The following SP100 variants were observed in gnomAD, a reference collection of about 807,000 sequenced individuals.
SP100 encodes the protein nuclear autoantigen Sp-100.
Under a neutral mutation model 130.0 loss-of-function variants are expected in SP100, and 84 were observed. The ratio of observed to expected loss-of-function variants is 0.65; its 90% CI spans 0.54 to 0.77. The LOEUF is 0.77. Among genes scored for constraint, SP100 ranks in the 30% least tolerant of loss-of-function variants. The pLI is 0.00. For synonymous variants in SP100, 331 were observed against 351.7 expected, an observed-to-expected ratio of 0.94 and a Z score of 0.66; for missense variants, 978 against 1,052.2, an observed-to-expected ratio of 0.93 and a Z score of 0.97.
chr2:230,518,686 A>G (rs1691034698), intron 24 of SP100, among the ~76,000 whole-genome samples: 1 of 152,044 alleles, frequency 6.6e-6, no homozygotes, highest in East Asian at 1.9e-4. Context: ...ATGAAAATTG[A>G]TATATTAGAC....
At chr2:230,447,327 G>A (rs1322180191) in intron 5 of SP100, among the ~76,000 whole-genome samples, 1 of 152,158 alleles carries the variant, frequency 6.6e-6, no homozygotes, top group African/African-American at 2.4e-5. Context: ...ACATGTCGGT[G>A]ATCTCCCCAC....
At position 230,462,510 on chromosome 2, in the gene SP100, G is replaced by A; in HGVS notation, c.1049G>A (p.Ser350Asn). The change falls in exon 10 of 29, where the codon AGT becomes AAT. Residue 350 changes from serine to asparagine, a missense_variant. Physicochemically the swap from Ser to Asn is conservative, Grantham distance 46 (BLOSUM62 1). Transcript: ENST00000340126. Reference protein sequence around the residue: ...PLEVFISAPRSEPVINNDNPL... With the variant: ...PLEVFISAPRNEPVINNDNPL... Reference sequence around the variant, plus strand: ...GAAGTCTTCATCTCAGCACCGAGAAGTGAGCCTGGTAAGGAAGTTTGGGAG... The same window carrying A: ...GAAGTCTTCATCTCAGCACCGAGAAATGAGCCTGGTAAGGAAGTTTGGGAG... 6.2e-7 allele frequency: 1 copy of A among 1,613,204 alleles called. No individual in the cohort carries two copies. Among genetic ancestry groups the A allele is most frequent in the Non-Finnish European group, 8.5e-7 (1 of 1,179,264 alleles).
intron 17 of SP100, among the ~76,000 whole-genome samples, chr2:230,478,913 C>T (rs1189918622): frequency 3.3e-5 from 5 of 152,126 alleles, no homozygotes; most frequent in East Asian, 1.9e-4. Context: ...TTCTGCCTCC[C>T]GGATTCAAGC....
At position 230,436,097 on chromosome 2, in the gene SP100, T is replaced by G. The variant is rs530262372; in HGVS notation, c.108-6840T>G. On this transcript the variant is annotated intron_variant, in intron 2 of 28. Coordinates refer to ENST00000340126, the MANE Select transcript of SP100 (RefSeq NM_001080391.2). ...AATGGATGTTTTAAAACTACTACCT[T>G]TTTTGTAATTGGAGGCCTTTCATAA... 5.3e-5 allele frequency among the ~76,000 whole-genome samples: 8 copies of G among 152,300 alleles called. No individual in the cohort carries two copies. The East Asian group carries it at 1.5e-3, about 29-fold the overall frequency.
intron 2 of SP100, among the ~76,000 whole-genome samples, chr2:230,435,521 C>G (rs1191777965): frequency 6.6e-6 from 1 of 152,114 alleles, no homozygotes; most frequent in Non-Finnish European, 1.5e-5. Flanking sequence ...GATATTTGTT[C>G]TGTCATTTAA....
chr2:230,477,615 CTA>C (rs1489832547), intron 17 of SP100, among the ~76,000 whole-genome samples: 1 of 152,114 alleles, frequency 6.6e-6, no homozygotes, highest in African/African-American at 2.4e-5. Flanking sequence ...CTTTACCTGT[CTA>C]TATTCTATGT....
chr2:230,531,440 G>C (rs1381970467), intron 24 of SP100, among the ~76,000 whole-genome samples: 3 of 151,550 alleles, frequency 2.0e-5, no homozygotes, highest in Non-Finnish European at 4.4e-5. Flanking sequence ...GCTGGGGGAG[G>C]GATAGCATTA....
rs192629137 is a variant in SP100 at position 230,513,910 on chromosome 2, T to G, written c.2094+2744T>G. The stretch of plus-strand genomic sequence containing the variant: ...GTAATGGTGAAAACTGCAATGACTT[T>G]TTTGCACCAACCTAATATTATAATC... On this transcript the variant is annotated intron_variant, in intron 24 of 28. Coordinates refer to ENST00000340126, the MANE Select transcript of SP100 (RefSeq NM_001080391.2). 1.5e-4 allele frequency among the ~76,000 whole-genome samples: 23 copies of G among 152,356 alleles called. No individual in the cohort carries two copies. In the East Asian group the frequency reaches 3.9e-3, roughly 26 times the overall value.
rs750309735 is a variant in SP100 at position 230,515,461 on chromosome 2, A to G, written c.2094+4295A>G. ...AGCTGACAAGCAGTTTTATGAAAAG[A>G]AGGCTGCAAAGCTGAAGGAAAAATA... On this transcript the variant is annotated intron_variant, in intron 24 of 28. Transcript: ENST00000340126. 4.7e-5 allele frequency: 76 copies of G among 1,613,724 alleles called. No individual in the cohort carries two copies. The African/African-American group carries it at 9.3e-4, about 20-fold the overall frequency.
rs150950606 is a variant in SP100 at position 230,477,161 on chromosome 2, G to A, written c.1600+2714G>A. On this transcript the variant is annotated intron_variant, in intron 17 of 28. Transcript: ENST00000340126. ...ATTACAGGCATGAGCTACCACGCCC[G>A]GCCCTCTCAGTGTTTTAAGTCATGG... Among the ~76,000 whole-genome samples, 910 of 152,040 alleles carry A rather than the reference G, an allele frequency of 6.0e-3. 8 individuals are homozygous for A. Among genetic ancestry groups the A allele is most frequent in the African/African-American group, 0.02 (850 of 41,474 alleles).
chr2:230,541,263 A>T (rs1692164103), intron 26 of SP100, 38 bp from the exon 27 acceptor site: 1 of 1,586,134 alleles, frequency 6.3e-7, no homozygotes, highest in Non-Finnish European at 8.7e-7. Context: ...TTTCTCTCTA[A>T]ATTGCATTTA....
intron 17 of SP100, among the ~76,000 whole-genome samples, chr2:230,489,552 C>G (rs1325152023): frequency 1.3e-5 from 2 of 151,854 alleles, no homozygotes; most frequent in Admixed American, 6.6e-5. Flanking sequence ...TTGTCTTCTG[C>G]TAGCTTTTGG....
At chr2:230,477,194 C>A (rs991823796) in intron 17 of SP100, among the ~76,000 whole-genome samples, 5 of 152,074 alleles carry the variant, frequency 3.3e-5, no homozygotes, top group Non-Finnish European at 7.4e-5. Context: ...TGGTGTTTTT[C>A]TTATTATTCT....
At chr2:230,444,837 A>G (rs2063632089) in intron 4 of SP100, among the ~76,000 whole-genome samples, 1 of 152,206 alleles carries the variant, frequency 6.6e-6, no homozygotes, top group Non-Finnish European at 1.5e-5. Context: ...CTGAGTTACA[A>G]GAGTTATCAA....
Position 230,523,669 on chromosome 2 carries a change from G to A in SP100, c.2094+12503G>A, listed in dbSNP as rs533085000. 1.6e-3 allele frequency among the ~76,000 whole-genome samples: 248 copies of A among 152,270 alleles called. 2 individuals carry two copies. Among genetic ancestry groups the A allele is most frequent in the Middle Eastern group, 6.8e-3 (2 of 294 alleles). ...CACACCTGTTATCCCAGCACTTTGC[G>A]GGGCCAAGGCAGGCAGATCGCCTGA... On this transcript the variant is annotated intron_variant, in intron 24 of 28. Transcript: ENST00000340126.
chr2:230,438,690 T>C (rs530760688), intron 2 of SP100, among the ~76,000 whole-genome samples: 45 of 133,008 alleles, frequency 3.4e-4, no homozygotes, highest in African/African-American at 9.2e-4. Context: ...CACACACATA[T>C]GGTATATATA....
chr2:230,420,030 T>A (rs2062724303), intron 2 of SP100, among the ~76,000 whole-genome samples: 1 of 152,210 alleles, frequency 6.6e-6, no homozygotes, highest in African/African-American at 2.4e-5. Flanking sequence ...GAATTTATGT[T>A]TTAAAAAAAT....
At chr2:230,530,646 T>G (rs2150107867) in intron 24 of SP100, among the ~76,000 whole-genome samples, 1 of 152,276 alleles carries the variant, frequency 6.6e-6, no homozygotes. Context: ...ACAGGCAACC[T>G]ACAGAATGGG....
At chr2:230,486,380 G>A (rs1234789357) in intron 17 of SP100, among the ~76,000 whole-genome samples, 1 of 152,164 alleles carries the variant, frequency 6.6e-6, no homozygotes, top group East Asian at 1.9e-4. Context: ...CTGTGTCCAT[G>A]TGTTCTCATT....
Sources: gnomAD v4.1 joint callset for allele counts (sites outside exome capture counted in the v4.1 genomes callset) on GRCh38, gnomAD v4.1.1 for gene constraint, MANE v1.5 for transcripts, NCBI Gene and HGNC (gene_info 2026-07-23, HGNC 2026-07-21) for gene names.